TMTC2: variants seen among roughly 807,000 people sequenced by gnomAD.
TMTC2 encodes the protein protein O-mannosyl-transferase TMTC2.
In TMTC2, 43 loss-of-function variants were observed where a neutral mutation model predicts 82.4. The observed-to-expected ratio is 0.52, with a 90% CI of 0.41 to 0.67. The LOEUF is 0.67. TMTC2 is among the 30% of genes least tolerant of loss of function. The probability of loss-of-function intolerance (pLI) is 0.00; values close to 1 mark genes in which losing one functional copy is unlikely to be tolerated. For missense variants in TMTC2, 919 were observed against 1,012.4 expected (o/e 0.91, Z 1.25); for synonymous variants, 408 against 381.9 (o/e 1.07, Z -0.80).
chr12:82,730,286 CTCTG>C (rs1267622958), intron 1 of TMTC2, among the ~76,000 whole-genome samples: 4 of 86,410 alleles, frequency 4.6e-5, no homozygotes, highest in Non-Finnish European at 6.2e-5. Flanking sequence ...CAGAGCAAAA[CTCTG>C]TCTCTCAAAA....
chr12:82,759,492 T>C (rs945886672), intron 1 of TMTC2: 1 of 152,238 alleles, frequency 6.6e-6, no homozygotes, highest in Non-Finnish European at 1.5e-5. Flanking sequence ...GTGAAGAGGA[T>C]ACACTGGAAC....
At chr12:82,723,399 GT>G (rs1196848809) in intron 1 of TMTC2, among the ~76,000 whole-genome samples, 3 of 152,024 alleles carry the variant, frequency 2.0e-5, no homozygotes, top group Non-Finnish European at 2.9e-5. Context: ...TCTAATAAAG[GT>G]TTATTATCTC....
intron 4 of TMTC2, among the ~76,000 whole-genome samples, chr12:82,955,443 C>G (rs1030852612): frequency 6.6e-6 from 1 of 152,018 alleles, no homozygotes; most frequent in African/African-American, 2.4e-5. Context: ...ATCAAGTGTC[C>G]AGATTATTGT....
At chr12:82,883,055 C>CAAAAAA (rs66496024) in intron 2 of TMTC2, among the ~76,000 whole-genome samples, 9 of 68,346 alleles carry the variant, frequency 1.3e-4, no homozygotes, top group Non-Finnish European at 3.5e-4. Flanking sequence ...AACTTGGTCT[C>CAAAAAA]AAAAAAAAAA....
chr12:82,692,600 T>C (rs1037325943), intron 1 of TMTC2, among the ~76,000 whole-genome samples: 3 of 152,226 alleles, frequency 2.0e-5, no homozygotes, highest in Non-Finnish European at 4.4e-5. Context: ...CTTATAACTT[T>C]ATTATACTCA....
intron 11 of TMTC2, among the ~76,000 whole-genome samples, chr12:83,121,146 T>C (rs781696884): frequency 1.3e-5 from 2 of 152,246 alleles, no homozygotes; most frequent in Admixed American, 6.5e-5. Flanking sequence ...TGAATTCTTT[T>C]GCAGGTAAAT....
chr12:82,966,619 G>GT (rs1270944527), intron 6 of TMTC2, among the ~76,000 whole-genome samples: 3 of 151,934 alleles, frequency 2.0e-5, no homozygotes, highest in Non-Finnish European at 2.9e-5. Flanking sequence ...TATATATATA[G>GT]TTTTTTTGGT....
chr12:83,091,882 T>C (rs1408619516), intron 11 of TMTC2, among the ~76,000 whole-genome samples: 2 of 152,232 alleles, frequency 1.3e-5, no homozygotes, highest in African/African-American at 4.8e-5. Flanking sequence ...ATATTGAGAT[T>C]GTGTTACAGC....
At chr12:82,700,706 T>A (rs75141553) in intron 1 of TMTC2, among the ~76,000 whole-genome samples, 5,035 of 152,324 alleles carry the variant, frequency 0.033, 187 homozygotes, top group East Asian at 0.12. Flanking sequence ...GTTAGATGAC[T>A]TCCAAATTCT....
intron 1 of TMTC2, among the ~76,000 whole-genome samples, chr12:82,826,942 A>G (rs987648284): frequency 2.6e-5 from 4 of 152,136 alleles, no homozygotes; most frequent in African/African-American, 4.8e-5. Flanking sequence ...TTATGTATCT[A>G]TTTTTTAAAG....
intron 8 of TMTC2, among the ~76,000 whole-genome samples, chr12:82,998,353 A>G (rs1879759943): frequency 6.6e-6 from 1 of 152,160 alleles, no homozygotes; most frequent in South Asian, 2.1e-4. Context: ...GAAAATAGCC[A>G]TTTGTCTAGA....
intron 11 of TMTC2, among the ~76,000 whole-genome samples, chr12:83,109,008 G>C (rs1458105071): frequency 1.3e-5 from 2 of 151,984 alleles, no homozygotes; most frequent in Non-Finnish European, 2.9e-5. Context: ...TCCCTAAAAG[G>C]CCAAGTTCTC....
chr12:83,023,679 G>A lies in TMTC2; in HGVS notation c.2071-7119G>A, dbSNP rs118014718. 5.1e-3 allele frequency among the ~76,000 whole-genome samples: 780 copies of A among 152,282 alleles called. 6 individuals are homozygous for A. Among genetic ancestry groups the A allele is most frequent in the Middle Eastern group, 0.02 (6 of 294 alleles). On this transcript the variant is annotated intron_variant, in intron 8 of 11. Transcript: ENST00000321196. ...GGCTCTGGAGTCCAGCCTTGTCCTG[G>A]GCATAATACCATGGAATCATTCCTC...
chr12:82,797,561 G>A (rs562029087), intron 1 of TMTC2, among the ~76,000 whole-genome samples: 74 of 152,148 alleles, frequency 4.9e-4, no homozygotes, highest in Non-Finnish European at 7.5e-4. Context: ...TGTATAAAAA[G>A]GTCTAGGCAG....
chr12:82,918,747 C>CCTCT (rs768505977), intron 3 of TMTC2, among the ~76,000 whole-genome samples: 4 of 129,224 alleles, frequency 3.1e-5, no homozygotes, highest in Non-Finnish European at 6.8e-5. Flanking sequence ...TCTTTCTCTC[C>CCTCT]CTCTCTCTCT....
chr12:82,816,218 A>G (rs1318958101), intron 1 of TMTC2, among the ~76,000 whole-genome samples: 2 of 151,036 alleles, frequency 1.3e-5, no homozygotes, highest in African/African-American at 4.9e-5. Flanking sequence ...TGCTCTAAAT[A>G]GTTCTCTAAA....
At chr12:83,075,744 AT>A (rs1883265994) in intron 11 of TMTC2, among the ~76,000 whole-genome samples, 1 of 152,196 alleles carries the variant, frequency 6.6e-6, no homozygotes, top group Non-Finnish European at 1.5e-5. Context: ...TTAAGTCAGG[AT>A]CAATTTTAGT....
rs1165253762 is a variant in TMTC2, at chr12:82,686,984, T to A, written c.-603T>A. 6.5e-6 allele frequency: 1 copy of A among 153,892 alleles called. No individual in the cohort carries two copies. The highest frequency in any genetic ancestry group is 2.4e-5 in the African/African-American group (1 of 41,156). The allele number at this position is 153,892 out of a possible 1,614,324, so 9.5% of individuals were successfully genotyped here. A position where few individuals can be genotyped will look rare whatever the true frequency, so the allele number is the denominator to read the frequency against. ...TGGAGAAGGGAGCTGGGGCTGGGGC[T>A]GGGGCTGGGGCTGGGAGGGAGCTAA... On this transcript the variant is annotated 5_prime_UTR_variant, in exon 1 of 12. Transcript: ENST00000321196.
At chr12:82,822,040 A>G (rs1303785781) in intron 1 of TMTC2, among the ~76,000 whole-genome samples, 1 of 152,200 alleles carries the variant, frequency 6.6e-6, no homozygotes, top group South Asian at 2.1e-4. Flanking sequence ...CCTTAAATGC[A>G]TATTACTAAA....
Sources: gnomAD v4.1 joint callset for allele counts (sites outside exome capture counted in the v4.1 genomes callset) on GRCh38, gnomAD v4.1.1 for gene constraint, MANE v1.5 for transcripts, NCBI Gene and HGNC (gene_info 2026-07-23, HGNC 2026-07-21) for gene names.